DCC: variants seen among roughly 807,000 people sequenced by gnomAD.
DCC encodes the protein DCC netrin 1 receptor.
DCC carries 58 observed loss-of-function variants against 172.5 expected under a neutral mutation model. That is an observed-to-expected ratio of 0.34 (90% CI 0.27 to 0.42). The LOEUF (loss-of-function observed/expected upper bound fraction) is 0.42. Ranked by LOEUF, DCC falls within the 10% of genes least tolerant of loss-of-function variation. The pLI is 1.00. For synonymous variants in DCC, 709 were observed against 644.5 expected (o/e 1.10, Z -1.52); for missense variants, 1,740 against 1,791.0 (o/e 0.97, Z 0.51).
At chr18:52,534,808 A>G (rs1165708198) in intron 1 of DCC, among the ~76,000 whole-genome samples, 1 of 152,216 alleles carries the variant, frequency 6.6e-6, no homozygotes, top group Non-Finnish European at 1.5e-5. Flanking sequence ...TTTTGAAAAC[A>G]TAATTTCTAC....
At chr18:53,371,397 ATAT>A in intron 15 of DCC, among the ~76,000 whole-genome samples, 1 of 152,130 alleles carries the variant, frequency 6.6e-6, no homozygotes, top group Middle Eastern at 3.4e-3. Context: ...TGTCAGAAAA[ATAT>A]TATCACTAGT....
At chr18:53,237,575 T>A (rs2056224934) in intron 12 of DCC, among the ~76,000 whole-genome samples, 1 of 152,158 alleles carries the variant, frequency 6.6e-6, no homozygotes, top group South Asian at 2.1e-4. Context: ...GTGACAGGTT[T>A]GCTATATTAA....
At chr18:53,234,433 A>T (rs932076033) in intron 12 of DCC, among the ~76,000 whole-genome samples, 3 of 150,524 alleles carry the variant, frequency 2.0e-5, no homozygotes, top group Non-Finnish European at 4.4e-5. Flanking sequence ...GTCTCAAATT[A>T]AAAAAATAAA....
At chr18:52,646,444 TTTAGCACAG>T (rs2035020317) in intron 1 of DCC, among the ~76,000 whole-genome samples, 1 of 152,114 alleles carries the variant, frequency 6.6e-6, no homozygotes, top group Admixed American at 6.5e-5. Context: ...AATACCTGGA[TTTAGCACAG>T]ATCCCACAGG....
chr18:52,526,281 G>A (rs1283770088), intron 1 of DCC, among the ~76,000 whole-genome samples: 1 of 152,140 alleles, frequency 6.6e-6, no homozygotes, highest in Non-Finnish European at 1.5e-5. Context: ...GAGGAACTAA[G>A]GGGAGGAGAC....
At chr18:53,143,611 C>A (rs2043863127) in intron 7 of DCC, among the ~76,000 whole-genome samples, 1 of 152,166 alleles carries the variant, frequency 6.6e-6, no homozygotes, top group African/African-American at 2.4e-5. Flanking sequence ...GGTTTGTGTT[C>A]AGACCCTAGA....
At chr18:52,512,233 A>G (rs1157996342) in intron 1 of DCC, among the ~76,000 whole-genome samples, 1 of 152,200 alleles carries the variant, frequency 6.6e-6, no homozygotes, top group African/African-American at 2.4e-5. Flanking sequence ...AGCCTTGTGT[A>G]CTTTCCTCTA....
intron 16 of DCC, among the ~76,000 whole-genome samples, chr18:53,390,601 A>T (rs1479077568): frequency 2.0e-5 from 3 of 152,212 alleles, no homozygotes; most frequent in African/African-American, 7.2e-5. Flanking sequence ...AGATTTTTTA[A>T]GTGTAAATGT....
intron 5 of DCC, among the ~76,000 whole-genome samples, chr18:52,982,646 T>C (rs888182932): frequency 2.6e-5 from 4 of 152,066 alleles, no homozygotes; most frequent in African/African-American, 9.7e-5. Context: ...CTTCCCAAGT[T>C]GTAACAGCCA....
At chr18:52,357,696 A>C (rs1984429439) in intron 1 of DCC, among the ~76,000 whole-genome samples, 1 of 152,094 alleles carries the variant, frequency 6.6e-6, no homozygotes, top group African/African-American at 2.4e-5. Context: ...AGTTAACTAC[A>C]GTAGAAAAAT....
At chr18:52,422,405 CTG>C (rs1459636999) in intron 1 of DCC, among the ~76,000 whole-genome samples, 1 of 152,122 alleles carries the variant, frequency 6.6e-6, no homozygotes, top group Non-Finnish European at 1.5e-5. Context: ...ATTGTCCACT[CTG>C]TTTTATTGGC....
At chr18:52,985,729 G>A (rs2041283024) in intron 5 of DCC, among the ~76,000 whole-genome samples, 1 of 151,398 alleles carries the variant, frequency 6.6e-6, no homozygotes, top group South Asian at 2.1e-4. Flanking sequence ...AATTCTCTAT[G>A]TCTGTTAATC....
chr18:53,168,197 A>G (rs1273554561), intron 8 of DCC, among the ~76,000 whole-genome samples: 3 of 152,176 alleles, frequency 2.0e-5, no homozygotes, highest in African/African-American at 7.2e-5. Context: ...CATTTGACCC[A>G]GCAATCCCAT....
chr18:53,080,710 G>T (rs964015587), intron 7 of DCC, among the ~76,000 whole-genome samples: 1 of 152,116 alleles, frequency 6.6e-6, no homozygotes, highest in Admixed American at 6.6e-5. Flanking sequence ...TCTGCTCATG[G>T]AGAGAATGAT....
chr18:52,545,426 G>C lies in DCC; in HGVS notation c.91+204548G>C, dbSNP rs11875282. Among the ~76,000 whole-genome samples, 870 of 152,310 alleles carry C rather than the reference G, an allele frequency of 5.7e-3. 10 individuals carry two copies. Among genetic ancestry groups the C allele is most frequent in the African/African-American group, 0.02 (841 of 41,562 alleles). On this transcript the variant is annotated intron_variant, in intron 1 of 28. Transcript: ENST00000442544. Reference sequence around the variant, plus strand: ...ACTCCACAACTGTGAGCCAATCATAGTGTAACTTTTTTGAATGATGCTCAC... The same window carrying C: ...ACTCCACAACTGTGAGCCAATCATACTGTAACTTTTTTGAATGATGCTCAC...
chr18:52,421,880 C>T (rs1452813434), intron 1 of DCC, among the ~76,000 whole-genome samples: 1 of 152,174 alleles, frequency 6.6e-6, no homozygotes, highest in Non-Finnish European at 1.5e-5. Flanking sequence ...CCCTGCACTC[C>T]TTATCCTGCC....
rs142503956 is a variant in DCC at position 53,232,985 on chromosome 18, TA to T, written c.1911+17392del. 9.0e-3 allele frequency among the ~76,000 whole-genome samples: 1,371 copies of T among 152,144 alleles called. 48 individuals are homozygous for T. In the East Asian group the frequency reaches 0.1, roughly 11 times the overall value. On this transcript the variant is annotated intron_variant, in intron 12 of 28. Coordinates refer to ENST00000442544, the MANE Select transcript of DCC (RefSeq NM_005215.4). ...TATTCTTATTTTCTCACTCTCCTTT[TA>T]AAACTGGACCTTGTGGTTGATCAAG...
chr18:52,776,240 TTGA>T (rs1190555058), intron 2 of DCC, among the ~76,000 whole-genome samples: 2 of 152,072 alleles, frequency 1.3e-5, no homozygotes, highest in Non-Finnish European at 2.9e-5. Flanking sequence ...TTAGAGGAAA[TTGA>T]TGAAACATTG....
intron 1 of DCC, among the ~76,000 whole-genome samples, chr18:52,538,149 C>G (rs2032338853): frequency 6.6e-6 from 1 of 152,162 alleles, no homozygotes; most frequent in South Asian, 2.1e-4. Context: ...ACCTGTATCC[C>G]AATCTTCCTC....
Sources: gnomAD v4.1 joint callset for allele counts (sites outside exome capture counted in the v4.1 genomes callset) on GRCh38, gnomAD v4.1.1 for gene constraint, MANE v1.5 for transcripts, NCBI Gene and HGNC (gene_info 2026-07-23, HGNC 2026-07-21) for gene names.